GRHL2: variants seen among roughly 807,000 people sequenced by gnomAD.
The protein encoded by GRHL2 is grainyhead like transcription factor 2.
A neutral mutation model predicts 83.8 loss-of-function variants in GRHL2; 21 were observed. The observed-to-expected ratio is 0.25, with a 90% CI of 0.18 to 0.36. The LOEUF (loss-of-function observed/expected upper bound fraction) is 0.36. Among genes scored for constraint, GRHL2 ranks in the 10% least tolerant of loss-of-function variants. GRHL2 has a pLI of 1.00. For missense variants in GRHL2, 623 were observed against 781.8 expected (o/e 0.80, Z 2.42); for synonymous variants, 280 against 278.9 (o/e 1.00, Z -0.04).
intron 13 of GRHL2, among the ~76,000 whole-genome samples, chr8:101,646,114 G>A (rs1329545795): frequency 3.3e-5 from 5 of 152,086 alleles, no homozygotes; most frequent in South Asian, 4.2e-4. Flanking sequence ...CAATCTGCCC[G>A]CCACAGCCTT....
intron 1 of GRHL2, among the ~76,000 whole-genome samples, chr8:101,508,500 G>C (rs962157296): frequency 3.3e-5 from 5 of 151,338 alleles, no homozygotes; most frequent in Admixed American, 6.6e-5. Flanking sequence ...TTCAGCTGTA[G>C]AGCATTTATA....
downstream of GRHL2, among the ~76,000 whole-genome samples, chr8:101,672,643 C>T (rs1211718887): frequency 1.3e-5 from 2 of 150,204 alleles, no homozygotes; most frequent in Admixed American, 1.3e-4. Context: ...GGATATTATC[C>T]AGAGAACTTC....
rs1811620459 is a variant in GRHL2 at position 101,562,201 on chromosome 8, C to T, written c.678+3389C>T. On this transcript the variant is annotated intron_variant, in intron 4 of 15. Transcript: ENST00000646743. ...GCTTGGCGTTTCTGTTTGATTTCTT[C>T]AACTCTCTTCATTGAATCAATACTT... The T allele has an allele frequency of 3.8e-5, 23 of 608,366 alleles. 1 individual carries two copies. The highest frequency in any genetic ancestry group is 3.4e-4 in the South Asian group (23 of 68,340). The allele number at this position is 608,366 out of a possible 1,614,324, so 37.7% of individuals were successfully genotyped here.
intron 8 of GRHL2, among the ~76,000 whole-genome samples, chr8:101,604,900 C>T (rs1304777191): frequency 6.6e-6 from 1 of 152,214 alleles, no homozygotes; most frequent in Non-Finnish European, 1.5e-5. Flanking sequence ...TTCTTTGCTG[C>T]ATTCTAGCCC....
At chr8:101,638,273 A>G (rs1813329075) in intron 12 of GRHL2, among the ~76,000 whole-genome samples, 1 of 152,240 alleles carries the variant, frequency 6.6e-6, no homozygotes, top group African/African-American at 2.4e-5. Flanking sequence ...TTCCTAGAGC[A>G]GAGGTTGGCA....
chr8:101,573,043 G>C (rs1159947730), intron 5 of GRHL2, among the ~76,000 whole-genome samples: 3 of 152,176 alleles, frequency 2.0e-5, no homozygotes, highest in Admixed American at 2.0e-4. Flanking sequence ...TTGGCCTATG[G>C]GCCATCATTT....
chr8:101,676,751 T>C, the GRHL2 span, among the ~76,000 whole-genome samples: 9 of 152,082 alleles, frequency 5.9e-5, no homozygotes, highest in African/African-American at 2.2e-4. Flanking sequence ...GCTATAAAGA[T>C]ACATGCACAC....
intron 1 of GRHL2, among the ~76,000 whole-genome samples, chr8:101,523,882 T>C (rs1401110891): frequency 2.0e-5 from 3 of 152,216 alleles, no homozygotes; most frequent in Non-Finnish European, 2.9e-5. Flanking sequence ...CTTGTTTTGC[T>C]TTCTTCTGGT....
At chr8:101,580,160 G>C (rs1002475017) in intron 7 of GRHL2, among the ~76,000 whole-genome samples, 1 of 151,950 alleles carries the variant, frequency 6.6e-6, no homozygotes, top group Non-Finnish European at 1.5e-5. Flanking sequence ...TAAAGCAAGG[G>C]TTCTTTTTTT....
In GRHL2 at chr8:101,492,624, G is replaced by T; in HGVS notation, c.-146G>T. ...GCGGGCGAGCGAGCGAGAGTGGTGAGGGGGGACGGAAAAGCAGAATTACCT... is the reference window on the plus strand; with the variant it reads ...GCGGGCGAGCGAGCGAGAGTGGTGATGGGGGACGGAAAAGCAGAATTACCT... On this transcript the variant is annotated 5_prime_UTR_variant, in exon 1 of 16. In the 5' UTR this introduces an upstream ATG that the reference lacks. Coordinates refer to ENST00000646743, the MANE Select transcript of GRHL2 (RefSeq NM_024915.4). The T allele has an allele frequency of 1.3e-6, 1 of 767,630 alleles. No homozygotes were observed. The highest frequency in any genetic ancestry group is 2.4e-6 in the Non-Finnish European group (1 of 420,390). The allele number at this position is 767,630 out of a possible 1,614,324, so 47.6% of individuals were successfully genotyped here.
At chr8:101,513,464 G>T (rs182130076) in intron 1 of GRHL2, among the ~76,000 whole-genome samples, 19 of 143,318 alleles carry the variant, frequency 1.3e-4, no homozygotes, top group African/African-American at 4.7e-4. Context: ...GTGTGTGTAT[G>T]TGTCTCTGTG....
At chr8:101,624,982 A>G (rs1385792617) in intron 9 of GRHL2, among the ~76,000 whole-genome samples, 3 of 152,166 alleles carry the variant, frequency 2.0e-5, no homozygotes, top group African/African-American at 7.2e-5. Context: ...GGTAGGCTTT[A>G]GAAACAAAAC....
At chr8:101,677,994 TTC>T in the GRHL2 span, among the ~76,000 whole-genome samples, 6 of 152,190 alleles carry the variant, frequency 3.9e-5, no homozygotes, top group African/African-American at 1.4e-4. Flanking sequence ...CAACATTTTT[TTC>T]TCTGTTTCTT....
At chr8:101,510,185 T>C (rs974702334) in intron 1 of GRHL2, among the ~76,000 whole-genome samples, 4 of 152,040 alleles carry the variant, frequency 2.6e-5, no homozygotes, top group Non-Finnish European at 5.9e-5. Flanking sequence ...TTTGTAGAGA[T>C]GGTGTTTCAC....
intron 14 of GRHL2, among the ~76,000 whole-genome samples, chr8:101,660,679 T>C (rs1813902053): frequency 6.6e-6 from 1 of 152,248 alleles, no homozygotes; most frequent in Non-Finnish European, 1.5e-5. Flanking sequence ...CTTTTAAATT[T>C]GAAAATTATT....
downstream of GRHL2, among the ~76,000 whole-genome samples, chr8:101,671,686 G>C (rs1363304450): frequency 3.9e-5 from 6 of 152,188 alleles, no homozygotes; most frequent in Non-Finnish European, 5.9e-5. Context: ...TTTGAAGAGA[G>C]CAGTGGTTCT....
chr8:101,565,013 G>A (rs1242057713), intron 4 of GRHL2, among the ~76,000 whole-genome samples: 1 of 152,168 alleles, frequency 6.6e-6, no homozygotes, highest in African/African-American at 2.4e-5. Flanking sequence ...GTCTGTATGT[G>A]TGAAGGGAAA....
Position 101,666,641 on chromosome 8 carries a change from A to G in GRHL2, c.1816A>G (p.Thr606Ala). ...CATCGAGCACTACTCGAACGAGGAC[A>G]CCTTCATCCTCAACATGGAGAGCAT... is the stretch of plus-strand genomic sequence containing the variant. Reference protein sequence around the residue: ...NIIEHYSNEDTFILNMESMVE... With the variant: ...NIIEHYSNEDAFILNMESMVE... Residue 606 changes from threonine (T) to alanine (A), a missense_variant, in exon 16 of 16, where the codon ACC (threonine) becomes GCC (alanine). Physicochemically the swap from Thr to Ala is moderately conservative, Grantham distance 58. This residue lies in a region of GRHL2 where 210 missense variants were observed against 254.8 expected (regional missense o/e 0.82). Coordinates refer to ENST00000646743, the MANE Select transcript of GRHL2 (RefSeq NM_024915.4). The G allele has an allele frequency of 6.2e-7, 1 of 1,613,676 alleles. No homozygotes were observed. The highest frequency in any genetic ancestry group is 8.5e-7 in the Non-Finnish European group (1 of 1,179,642).
intron 1 of GRHL2, among the ~76,000 whole-genome samples, chr8:101,512,068 T>A (rs569073254): frequency 2.6e-5 from 4 of 152,328 alleles, no homozygotes; most frequent in South Asian, 4.1e-4. Flanking sequence ...AACTATTTAT[T>A]TAAGTTTATA....
Sources: allele counts gnomAD v4.1 joint callset (sites outside exome capture counted in the v4.1 genomes callset), GRCh38; gene constraint gnomAD v4.1.1; regional missense constraint gnomAD v4.1.1; transcripts MANE v1.5; gene names NCBI Gene and HGNC (gene_info 2026-07-23, HGNC 2026-07-21).